Variants in PUDP observed in about 807,000 individuals in gnomAD.
PUDP encodes pseudouridine 5'-phosphatase.
In PUDP, 8 loss-of-function variants were observed where a neutral mutation model predicts 9.4. The observed-to-expected ratio is 0.85, with a 90% confidence interval of 0.50 to 1.53. The LOEUF is 1.53. Ranked by LOEUF, PUDP falls within the 40% of genes most tolerant of loss-of-function variation. The probability of loss-of-function intolerance (pLI) is 0.00; values close to 1 mark genes in which losing one functional copy is unlikely to be tolerated. For missense variants in PUDP, 188 were observed against 189.7 expected, an observed-to-expected ratio of 0.99 and a Z score of 0.05; for synonymous variants, 99 against 80.7, an observed-to-expected ratio of 1.23 and a Z score of -1.22.
intron 3 of PUDP, among the ~76,000 whole-genome samples, chrX:6,788,743 A>G (rs1211067101): frequency 8.9e-6 from 1 of 112,315 alleles, no homozygotes; most frequent in African/African-American, 3.2e-5. Context: ...GCATCTGTAC[A>G]TTGAAGCAGA....
At chrX:6,962,723 T>G (rs747688252) in intron 3 of PUDP, among the ~76,000 whole-genome samples, 1 of 112,621 alleles carries the variant, frequency 8.9e-6, no homozygotes, top group Non-Finnish European at 1.9e-5. Context: ...TATATGGCTG[T>G]TGATTTCTTT....
intron 2 of PUDP, among the ~76,000 whole-genome samples, chrX:7,092,740 G>A (rs1211924186): frequency 1.3e-4 from 14 of 111,960 alleles, no homozygotes; most frequent in South Asian, 7.6e-4. Flanking sequence ...ACCTGCCCAT[G>A]ACACTGGGCC....
chrX:6,865,009 G>T (rs893916828), intron 3 of PUDP, among the ~76,000 whole-genome samples: 27 of 111,871 alleles, frequency 2.4e-4, no homozygotes, highest in African/African-American at 7.5e-4. Context: ...AATCTCAGTC[G>T]CATTCCATTG....
At chrX:7,070,114 G>A (rs1378098699) in intron 3 of PUDP, among the ~76,000 whole-genome samples, 1 of 111,927 alleles carries the variant, frequency 8.9e-6, no homozygotes, top group Non-Finnish European at 1.9e-5. Flanking sequence ...GAGGGTAGAG[G>A]AAACACATTT....
At chrX:7,118,206 T>C in intron 1 of PUDP, among the ~76,000 whole-genome samples, 1 of 112,369 alleles carries the variant, frequency 8.9e-6, no homozygotes, top group African/African-American at 3.2e-5. Context: ...ATGTATATAT[T>C]TTCTTATCCC....
downstream of PUDP, among the ~76,000 whole-genome samples, chrX:7,045,809 G>C (rs994649322): frequency 8.9e-6 from 1 of 112,187 alleles, no homozygotes; most frequent in Non-Finnish European, 1.9e-5. Flanking sequence ...TAGAAAAAAA[G>C]AGACTGCCTT....
At chrX:7,061,494 C>A (rs963475443) in intron 3 of PUDP, among the ~76,000 whole-genome samples, 2 of 110,369 alleles carry the variant, frequency 1.8e-5, no homozygotes, top group African/African-American at 6.7e-5. Flanking sequence ...GGAAGGGTCC[C>A]ACTGACCCAG....
chrX:7,053,924 G>A (rs761247576), intron 3 of PUDP, among the ~76,000 whole-genome samples: 7 of 111,888 alleles, frequency 6.3e-5, no homozygotes, highest in Non-Finnish European at 1.1e-4. Flanking sequence ...TGGCTTTCAC[G>A]TTTTGCTGGT....
intron 1 of PUDP, among the ~76,000 whole-genome samples, chrX:7,004,186 T>C (rs1929369721): frequency 8.9e-6 from 1 of 112,088 alleles, no homozygotes. Flanking sequence ...GTTTCATGCT[T>C]TTTATAATAA....
intron 3 of PUDP, among the ~76,000 whole-genome samples, chrX:6,928,921 C>G (rs931746826): frequency 1.8e-5 from 2 of 111,548 alleles, no homozygotes; most frequent in South Asian, 3.8e-4. Flanking sequence ...CAAACAAAAC[C>G]CAGAGCCATA....
intron 3 of PUDP, among the ~76,000 whole-genome samples, chrX:6,892,955 C>T (rs944837498): frequency 8.9e-6 from 1 of 111,796 alleles, no homozygotes; most frequent in African/African-American, 3.3e-5. Context: ...ATTTAAGCCA[C>T]TCAGTCTGTG....
intron 3 of PUDP, among the ~76,000 whole-genome samples, chrX:6,900,329 G>C (rs185808771): frequency 1.5e-4 from 16 of 106,218 alleles, no homozygotes; most frequent in African/African-American, 3.4e-4. Context: ...CACCACTTGG[G>C]GGGGGGGGCG....
At chrX:7,073,045 A>C (rs1486419444) in intron 3 of PUDP, among the ~76,000 whole-genome samples, 1 of 110,694 alleles carries the variant, frequency 9.0e-6, no homozygotes, top group Non-Finnish European at 1.9e-5. Context: ...GGCGTTCGGC[A>C]CATGGAGGCC....
chrX:6,846,324 G>A (rs1004379339), intron 3 of PUDP, among the ~76,000 whole-genome samples: 7 of 108,337 alleles, frequency 6.5e-5, no homozygotes, highest in African/African-American at 2.0e-4. Flanking sequence ...AAAATGGCGC[G>A]GCGTGAACCC....
chrX:6,901,838 G>GC (rs1163332789), intron 3 of PUDP, among the ~76,000 whole-genome samples: 1 of 112,166 alleles, frequency 8.9e-6, no homozygotes, highest in African/African-American at 3.2e-5. Flanking sequence ...TTCTTGCAAA[G>GC]CTAGAGCTGG....
chrX:6,747,795 C>T (rs778442634), intron 3 of PUDP, among the ~76,000 whole-genome samples: 2 of 108,458 alleles, frequency 1.8e-5, no homozygotes, highest in Non-Finnish European at 3.8e-5. Context: ...GGTTTTTTCT[C>T]AGTAATTGTC....
intron 1 of PUDP, among the ~76,000 whole-genome samples, chrX:7,129,864 C>T (rs1932573619): frequency 9.0e-6 from 1 of 111,303 alleles, no homozygotes; most frequent in Non-Finnish European, 1.9e-5. Flanking sequence ...GCATGCAGGG[C>T]ACCGTCCCGC....
At chrX:6,795,147 T>C (rs1925822953) in intron 3 of PUDP, among the ~76,000 whole-genome samples, 1 of 111,259 alleles carries the variant, frequency 9.0e-6, no homozygotes, top group Non-Finnish European at 1.9e-5. Context: ...ACAGGAATTT[T>C]TCGGCTCTAT....
chrX:6,819,151 T>A (rs1379504194), intron 3 of PUDP, among the ~76,000 whole-genome samples: 1 of 111,694 alleles, frequency 9.0e-6, no homozygotes, highest in Non-Finnish European at 1.9e-5. Context: ...CAGCAATATA[T>A]TAAAGACTGG....
Sources: gnomAD v4.1 joint callset for allele counts (sites outside exome capture counted in the v4.1 genomes callset) on GRCh38, gnomAD v4.1.1 for gene constraint, MANE v1.5 for transcripts, NCBI Gene and HGNC (gene_info 2026-07-23, HGNC 2026-07-21) for gene names.